PBLD: variants seen among roughly 807,000 people sequenced by gnomAD.
The protein encoded by PBLD is phenazine biosynthesis-like domain-containing protein.
Under a neutral mutation model 31.3 loss-of-function variants are expected in PBLD, and 26 were observed. The observed-to-expected ratio is 0.83, with a 90% CI of 0.61 to 1.15. The LOEUF (loss-of-function observed/expected upper bound fraction) is 1.15. Ranked by LOEUF, PBLD falls within the 50% of genes most tolerant of loss-of-function variation. The pLI, the probability that PBLD is intolerant of heterozygous loss-of-function variation, is 0.00. For missense variants in PBLD, 307 were observed against 351.7 expected (o/e 0.87, Z 1.02); for synonymous variants, 114 against 129.0 (o/e 0.88, Z 0.79).
chr10:68,314,226 C>T (rs1773214374), intron 1 of PBLD, among the ~76,000 whole-genome samples: 1 of 152,146 alleles, frequency 6.6e-6, no homozygotes, highest in African/African-American at 2.4e-5. Flanking sequence ...ATCCGCCCAC[C>T]TCAGCCTCCC....
intron 1 of PBLD, among the ~76,000 whole-genome samples, chr10:68,307,923 C>T (rs2044605385): frequency 6.6e-6 from 1 of 152,190 alleles, no homozygotes; most frequent in South Asian, 2.1e-4. Flanking sequence ...AAAAAATATG[C>T]TCATTATAAA....
chr10:68,282,726 CTT>C lies in PBLD; in HGVS notation c.*1449_*1450del, dbSNP rs1290226861. Reference sequence around the variant, plus strand: ...AGATTACTGCTATAATAAATTCACTCTTACATGCTTTAGCAAAAATCAGTAAA... The same window carrying C: ...AGATTACTGCTATAATAAATTCACTCACATGCTTTAGCAAAAATCAGTAAA... On this transcript the variant is annotated 3_prime_UTR_variant, in exon 10 of 10. Coordinates refer to ENST00000358769, the MANE Select transcript of PBLD (RefSeq NM_022129.4). 6.6e-6 allele frequency: 1 copy of C among 152,136 alleles called. No individual in the cohort carries two copies. The highest frequency in any genetic ancestry group is 1.5e-5 in the Non-Finnish European group (1 of 68,038). The allele number at this position is 152,136 out of a possible 1,614,324, so 9.4% of individuals were successfully genotyped here. A position where few individuals can be genotyped will look rare whatever the true frequency, so the allele number is the denominator to read the frequency against.
At chr10:68,287,376 C>CA (rs5785855) in intron 8 of PBLD, 113,357 of 152,132 alleles carry the variant, frequency 0.75, 43,023 homozygotes, top group Middle Eastern at 0.84. Context: ...TGTGCTTGTG[C>CA]AATCTGCTTG....
chr10:68,282,837 G>A lies in PBLD; in HGVS notation c.*1340C>T, dbSNP rs1039929108. 3.9e-5 allele frequency: 6 copies of A among 152,024 alleles called. No homozygotes were observed. Among genetic ancestry groups the A allele is most frequent in the Non-Finnish European group, 4.4e-5 (3 of 68,020 alleles). 9.4% of individuals were successfully genotyped at this position (152,024 alleles called of 1,614,324 possible). On this transcript the variant is annotated 3_prime_UTR_variant, in exon 10 of 10. Transcript: ENST00000358769. Reference sequence around the variant, plus strand: ...CTGATTAGCTTGCAGTTTTTGAGACGGCTGAGAACTACCATCAATGAGATC... The same window carrying A: ...CTGATTAGCTTGCAGTTTTTGAGACAGCTGAGAACTACCATCAATGAGATC...
At chr10:68,307,790 C>A (rs947798055) in intron 1 of PBLD, among the ~76,000 whole-genome samples, 1 of 152,170 alleles carries the variant, frequency 6.6e-6, no homozygotes, top group African/African-American at 2.4e-5. Context: ...TGAGCCACCG[C>A]ACCCGGCCGC....
intron 4 of PBLD, chr10:68,296,026 A>T (rs1336475744): frequency 8.8e-6 from 3 of 342,084 alleles, no homozygotes; most frequent in African/African-American, 6.3e-5. Flanking sequence ...AAAATAAAAT[A>T]AAAATAAAAT....
chr10:68,329,102 C>T (rs1442234719), intron 1 of PBLD, among the ~76,000 whole-genome samples: 1 of 152,216 alleles, frequency 6.6e-6, no homozygotes, highest in African/African-American at 2.4e-5. Context: ...TGGTCTCAAA[C>T]TCCTGACCTC....
At chr10:68,303,914 A>T (rs1177247398) in intron 2 of PBLD, among the ~76,000 whole-genome samples, 1 of 152,112 alleles carries the variant, frequency 6.6e-6, no homozygotes, top group African/African-American at 2.4e-5. Context: ...GAGGCCTGGT[A>T]CCTTCAGGTC....
chr10:68,311,547 C>G (rs185861599), intron 1 of PBLD, among the ~76,000 whole-genome samples: 21 of 151,850 alleles, frequency 1.4e-4, no homozygotes, highest in African/African-American at 4.8e-4. Flanking sequence ...GATCGCGCCA[C>G]TGCACTCCAG....
intron 1 of PBLD, among the ~76,000 whole-genome samples, chr10:68,320,553 A>G (rs952105064): frequency 6.6e-6 from 1 of 152,220 alleles, no homozygotes; most frequent in Non-Finnish European, 1.5e-5. Flanking sequence ...CCTCCCATAT[A>G]CTTAAATCAT....
At position 68,296,100 on chromosome 10, in the gene PBLD, C is replaced by T. The variant is rs926160627; in HGVS notation, c.283+166G>A. ...GCACATACTCAGAAAGGCCAAAGTGCTATTGAAGGTCGCTGGTTTTGTTTC... is the reference window on the plus strand; with the variant it reads ...GCACATACTCAGAAAGGCCAAAGTGTTATTGAAGGTCGCTGGTTTTGTTTC... On this transcript the variant is annotated intron_variant, in intron 4 of 9. Coordinates refer to ENST00000358769, the MANE Select transcript of PBLD (RefSeq NM_022129.4). 1.2e-5 allele frequency: 6 copies of T among 492,954 alleles called. No individual in the cohort carries two copies. In the South Asian group the frequency reaches 2.3e-4, roughly 19 times the overall value. 30.5% of individuals were successfully genotyped at this position (492,954 alleles called of 1,614,324 possible).
intron 7 of PBLD, 92 bp from the exon 8 acceptor site, chr10:68,288,753 CAA>C (rs1691980858): frequency 3.5e-6 from 5 of 1,427,768 alleles, no homozygotes; most frequent in Non-Finnish European, 2.9e-6. Flanking sequence ...GCAGCTTGCT[CAA>C]AGAGCTTAAC....
At chr10:68,294,029 T>C (rs2044393620) in intron 4 of PBLD, among the ~76,000 whole-genome samples, 1 of 152,188 alleles carries the variant, frequency 6.6e-6, no homozygotes, top group Non-Finnish European at 1.5e-5. Context: ...CAGTAAACCC[T>C]ATTTTTCAAG....
intron 6 of PBLD, among the ~76,000 whole-genome samples, chr10:68,289,395 T>C (rs1323992862): frequency 6.6e-6 from 1 of 151,860 alleles, no homozygotes; most frequent in Non-Finnish European, 1.5e-5. Flanking sequence ...GGCATGGTGG[T>C]GCACTCCTGT....
chr10:68,288,936 G>A lies in PBLD; in HGVS notation c.507C>T (p.Tyr169=), dbSNP rs2044322244. Residue 169 remains tyrosine (Y), a synonymous_variant, in exon 7 of 10, where the codon TAC becomes TAT. Transcript: ENST00000358769. ...GATGCAGCCAAAAATCTTACCTGTT[G>A]TAAACGTCACTGAGGCGGACGAGGA... ...QKLLVRLSDV[Y]NRSFLENLKV... The A allele has an allele frequency of 6.2e-7, 1 of 1,613,932 alleles. No homozygotes were observed. The highest frequency in any genetic ancestry group is 1.3e-5 in the African/African-American group (1 of 74,926).
chr10:68,297,500 T>G (rs1301118635), intron 2 of PBLD, among the ~76,000 whole-genome samples: 1 of 152,146 alleles, frequency 6.6e-6, no homozygotes, highest in African/African-American at 2.4e-5. Context: ...TCCTCTCCAG[T>G]GCTTAGATGT....
intron 1 of PBLD, among the ~76,000 whole-genome samples, chr10:68,308,975 A>G (rs2134484875): frequency 6.7e-6 from 1 of 150,222 alleles, no homozygotes; most frequent in South Asian, 2.1e-4. Flanking sequence ...CCTTGTCCAA[A>G]TAGCTTAGTC....
At chr10:68,306,564 G>T (rs990673349) in intron 2 of PBLD, among the ~76,000 whole-genome samples, 197 bp downstream of exon 2, 2 of 152,116 alleles carry the variant, frequency 1.3e-5, no homozygotes, top group East Asian at 3.9e-4. Flanking sequence ...CATTTCATTG[G>T]ACGTACCCAA....
rs900647958 is a variant in PBLD, at chr10:68,310,461, C to A, written c.-59-3558G>T. Among the ~76,000 whole-genome samples, 16 of 148,732 alleles carry A rather than the reference C, an allele frequency of 1.1e-4. 1 individual carries two copies. The highest frequency in any genetic ancestry group is 2.1e-4 in the Non-Finnish European group (14 of 67,566). ...ATAATCATTATTTTTATGATTAGAA[C>A]ACTTAACATCCACTCTCTTTGCATT... On this transcript the variant is annotated intron_variant, in intron 1 of 9. Transcript: ENST00000358769.
Sources: allele counts gnomAD v4.1 joint callset (sites outside exome capture counted in the v4.1 genomes callset), GRCh38; gene constraint gnomAD v4.1.1; transcripts MANE v1.5; gene names NCBI Gene and HGNC (gene_info 2026-07-23, HGNC 2026-07-21).